The following GALNT17 variants were observed in gnomAD, a reference collection of about 807,000 sequenced individuals.
The protein encoded by GALNT17 is polypeptide N-acetylgalactosaminyltransferase 17.
Under a neutral mutation model 63.7 loss-of-function variants are expected in GALNT17, and 29 were observed. The observed-to-expected ratio is 0.46, with a 90% CI of 0.34 to 0.62. The LOEUF (loss-of-function observed/expected upper bound fraction) is 0.62. GALNT17 is among the 20% of genes least tolerant of loss of function. The probability of loss-of-function intolerance (pLI) is 0.01; values close to 1 mark genes in which losing one functional copy is unlikely to be tolerated. For missense variants in GALNT17, 603 were observed against 799.6 expected (o/e 0.75, Z 2.97); for synonymous variants, 305 against 318.3 (o/e 0.96, Z 0.45).
At chr7:71,556,059 A>G (rs1789158584) in intron 5 of GALNT17, among the ~76,000 whole-genome samples, 1 of 152,242 alleles carries the variant, frequency 6.6e-6, no homozygotes, top group Admixed American at 6.5e-5. Context: ...CAAGTCCAGC[A>G]TAGAAAAAGC....
chr7:71,291,941 C>T (rs571593031), intron 1 of GALNT17, among the ~76,000 whole-genome samples: 9 of 152,114 alleles, frequency 5.9e-5, no homozygotes, highest in African/African-American at 2.2e-4. Context: ...TTCTTTGTTT[C>T]TCAAACTGTT....
At chr7:71,173,665 C>T (rs765259324) in intron 1 of GALNT17, among the ~76,000 whole-genome samples, 1 of 152,000 alleles carries the variant, frequency 6.6e-6, no homozygotes, top group Admixed American at 6.6e-5. Flanking sequence ...CCCAGCTACT[C>T]AGGAGGCTGA....
chr7:71,539,459 A>G (rs919484276), intron 5 of GALNT17, among the ~76,000 whole-genome samples: 1 of 152,086 alleles, frequency 6.6e-6, no homozygotes, highest in Non-Finnish European at 1.5e-5. Context: ...AGAGCCTTCC[A>G]GCCCCTGTTG....
intron 1 of GALNT17, among the ~76,000 whole-genome samples, chr7:71,267,865 C>T (rs1352499529): frequency 2.0e-5 from 3 of 151,726 alleles, no homozygotes; most frequent in Non-Finnish European, 2.9e-5. Context: ...TGCCCCCACC[C>T]CCACTTCCCA....
intron 1 of GALNT17, among the ~76,000 whole-genome samples, chr7:71,282,418 G>A (rs1417694976): frequency 6.6e-6 from 1 of 152,206 alleles, no homozygotes; most frequent in African/African-American, 2.4e-5. Context: ...GAGAGAGAAG[G>A]GAAAAGGAGA....
chr7:71,522,877 C>T (rs564824490), intron 5 of GALNT17, among the ~76,000 whole-genome samples: 25 of 152,312 alleles, frequency 1.6e-4, no homozygotes, highest in African/African-American at 6.0e-4. Flanking sequence ...GCTTCCTGAA[C>T]CACAGCAGAA....
intron 5 of GALNT17, among the ~76,000 whole-genome samples, chr7:71,565,482 C>G (rs931837194): frequency 1.3e-5 from 2 of 152,054 alleles, no homozygotes; most frequent in African/African-American, 4.8e-5. Context: ...ATCCTGCTCT[C>G]CCTTCTCCAT....
chr7:71,637,057 G>A (rs1339117511), intron 6 of GALNT17, among the ~76,000 whole-genome samples: 3 of 152,136 alleles, frequency 2.0e-5, no homozygotes, highest in African/African-American at 4.8e-5. Flanking sequence ...TGTAAAATGG[G>A]CAGCACAGTA....
chr7:71,165,936 T>C (rs1226981772), intron 1 of GALNT17, among the ~76,000 whole-genome samples: 1 of 145,584 alleles, frequency 6.9e-6, no homozygotes, highest in Non-Finnish European at 1.5e-5. Context: ...GCAAGGATGT[T>C]AGTGAAAGCT....
chr7:71,392,541 C>T (rs961927380), intron 3 of GALNT17, among the ~76,000 whole-genome samples: 1 of 152,146 alleles, frequency 6.6e-6, no homozygotes, highest in South Asian at 2.1e-4. Flanking sequence ...TTGATGCTTA[C>T]GTAGCTTGTG....
intron 5 of GALNT17, among the ~76,000 whole-genome samples, chr7:71,539,552 T>A (rs2116801560): frequency 6.6e-6 from 1 of 152,162 alleles, no homozygotes; most frequent in East Asian, 1.9e-4. Context: ...TCGACATCAA[T>A]CCAACACACA....
chr7:71,525,187 GTTTC>G (rs1788603408), intron 5 of GALNT17, among the ~76,000 whole-genome samples: 2 of 152,012 alleles, frequency 1.3e-5, no homozygotes, highest in Admixed American at 1.3e-4. Flanking sequence ...TTGTTTGTTT[GTTTC>G]GAGATGGAGT....
chr7:71,315,740 T>A (rs1313798187), intron 1 of GALNT17, among the ~76,000 whole-genome samples: 2 of 152,044 alleles, frequency 1.3e-5, no homozygotes, highest in Admixed American at 1.3e-4. Context: ...GTGGGGAAAA[T>A]GTTGAGTGCG....
At chr7:71,693,060 A>G (rs1476419582) in intron 9 of GALNT17, among the ~76,000 whole-genome samples, 1 of 151,908 alleles carries the variant, frequency 6.6e-6, no homozygotes, top group Non-Finnish European at 1.5e-5. Context: ...ATACTTAGAT[A>G]GATAACTATA....
intron 2 of GALNT17, among the ~76,000 whole-genome samples, chr7:71,357,317 C>T (rs535579658): frequency 3.8e-4 from 58 of 152,146 alleles, no homozygotes; most frequent in African/African-American, 1.2e-3. Context: ...CATAGGAGCG[C>T]GAACCCTATT....
Position 71,486,340 on chromosome 7 carries a change from T to G in GALNT17, c.962+65235T>G, listed in dbSNP as rs1483035983. ...AGGGCAAGAGCCTGTCTGAAAATAATAATAATAATAATAATAATAATAATA... is the reference window on the plus strand; with the variant it reads ...AGGGCAAGAGCCTGTCTGAAAATAAGAATAATAATAATAATAATAATAATA... On this transcript the variant is annotated intron_variant, in intron 5 of 10. Coordinates refer to ENST00000333538, the MANE Select transcript of GALNT17 (RefSeq NM_022479.3). Among the ~76,000 whole-genome samples the G allele has an allele frequency of 0.021, 186 of 9,064 alleles. 6 individuals are homozygous for G. The East Asian group carries it at 0.39, about 19-fold the overall frequency. 5.9% of individuals were successfully genotyped at this position (9,064 alleles called of 152,430 possible). A position where few individuals can be genotyped will look rare whatever the true frequency, so the allele number is the denominator to read the frequency against.
chr7:71,323,112 T>C (rs1791645911), intron 1 of GALNT17, among the ~76,000 whole-genome samples: 1 of 152,064 alleles, frequency 6.6e-6, no homozygotes, highest in Admixed American at 6.5e-5. Flanking sequence ...ATGATAATGA[T>C]ATGTCTTGAT....
chr7:71,565,227 G>A (rs369329047), intron 5 of GALNT17, among the ~76,000 whole-genome samples: 2 of 151,850 alleles, frequency 1.3e-5, no homozygotes, highest in East Asian at 1.9e-4. Context: ...AGATGGCACC[G>A]CTGCACCCTA....
intron 1 of GALNT17, among the ~76,000 whole-genome samples, chr7:71,145,280 T>C (rs1585836416): frequency 6.6e-6 from 1 of 152,140 alleles, no homozygotes; most frequent in Non-Finnish European, 1.5e-5. Context: ...AGGGGAATTA[T>C]AATCTTGTAA....
Sources: gnomAD v4.1 joint callset for allele counts (sites outside exome capture counted in the v4.1 genomes callset) on GRCh38, gnomAD v4.1.1 for gene constraint, MANE v1.5 for transcripts, NCBI Gene and HGNC (gene_info 2026-07-23, HGNC 2026-07-21) for gene names.